FAP: variants seen among roughly 807,000 people sequenced by gnomAD.
FAP encodes prolyl endopeptidase FAP.
Under a neutral mutation model 126.5 loss-of-function variants are expected in FAP, and 110 were observed. The ratio of observed to expected loss-of-function variants is 0.87; its 90% CI spans 0.74 to 1.02. The LOEUF (loss-of-function observed/expected upper bound fraction) is 1.02. Among genes scored for constraint, FAP ranks in the 50% least tolerant of loss-of-function variants. FAP has a pLI of 0.00. For missense variants in FAP, 919 were observed against 909.2 expected, an observed-to-expected ratio of 1.01 and a Z score of -0.14; for synonymous variants, 334 against 297.3, an observed-to-expected ratio of 1.12 and a Z score of -1.27.
intron 25 of FAP, chr2:162,172,560 A>G (rs1360962503): frequency 4.9e-6 from 2 of 404,976 alleles, no homozygotes; most frequent in Non-Finnish European, 9.0e-6. Context: ...TTGAACTAGA[A>G]GATCATTTAA....
chr2:162,208,771 C>CT (rs1039193066), intron 12 of FAP, among the ~76,000 whole-genome samples: 1 of 150,022 alleles, frequency 6.7e-6, no homozygotes, highest in Non-Finnish European at 1.5e-5. Flanking sequence ...TACTACTACT[C>CT]TTTTTTTCCT....
At chr2:162,217,856 C>T (rs1689212881) in intron 9 of FAP, 130 bp downstream of exon 9, 1 of 629,032 alleles carries the variant, frequency 1.6e-6, no homozygotes, top group Non-Finnish European at 2.7e-6. Flanking sequence ...GAGCACAGTA[C>T]AATGTTTGCC....
chr2:162,171,778 T>C (rs1033727574), intron 25 of FAP: 1 of 151,436 alleles, frequency 6.6e-6, no homozygotes, highest in Admixed American at 6.6e-5. Context: ...TTTGTATATT[T>C]TTAAAAATTT....
chr2:162,198,444 G>T, intron 16 of FAP: 2 of 944,566 alleles, frequency 2.1e-6, no homozygotes, highest in Non-Finnish European at 2.9e-6. Context: ...TCTTAGTGCT[G>T]TGGAATGTGG....
intron 20 of FAP, among the ~76,000 whole-genome samples, chr2:162,187,682 G>C (rs1211577907): frequency 6.6e-6 from 1 of 152,002 alleles, no homozygotes. Flanking sequence ...ACGAAAATAG[G>C]CAAACACTTT....
At chr2:162,195,981 G>A (rs1193580393) in intron 16 of FAP, among the ~76,000 whole-genome samples, 1 of 152,082 alleles carries the variant, frequency 6.6e-6, no homozygotes, top group African/African-American at 2.4e-5. Context: ...GAGAAGACTT[G>A]GGTATGAGTA....
rs1687429091 is a variant in FAP, at chr2:162,174,787, T to A, written c.1969+80A>T. On this transcript the variant is annotated intron_variant, in intron 22 of 25. Transcript: ENST00000188790. ...TGCTGGGGTGAATTTTACTGCATAA[T>A]CCATTTTTCTAGCAACATCAGATAT... 1.4e-5 allele frequency: 13 copies of A among 960,156 alleles called. No homozygotes were observed. In the Admixed American group the frequency reaches 2.2e-4, roughly 16 times the overall value. The allele number at this position is 960,156 out of a possible 1,614,324, so 59.5% of individuals were successfully genotyped here.
intron 21 of FAP, among the ~76,000 whole-genome samples, chr2:162,182,241 T>G (rs1445317374): frequency 2.0e-5 from 3 of 152,214 alleles, no homozygotes; most frequent in African/African-American, 7.2e-5. Context: ...TATGGTTATT[T>G]CAAAGCCTGC....
intron 21 of FAP, among the ~76,000 whole-genome samples, chr2:162,179,028 T>C (rs1009958536): frequency 1.3e-5 from 2 of 152,162 alleles, no homozygotes; most frequent in Non-Finnish European, 2.9e-5. Context: ...TCCTAGCCCC[T>C]TGGCCCATCC....
intron 3 of FAP, 126 bp from the exon 4 acceptor site, chr2:162,225,703 T>C (rs1344302142): frequency 2.3e-6 from 2 of 888,072 alleles, no homozygotes; most frequent in Non-Finnish European, 1.6e-6. Context: ...ACATATTGCT[T>C]TGTGATATGT....
chr2:162,230,449 T>C (rs1014248377), intron 2 of FAP, among the ~76,000 whole-genome samples: 2 of 152,158 alleles, frequency 1.3e-5, no homozygotes, highest in Non-Finnish European at 1.5e-5. Context: ...GAAGCAGTGA[T>C]TGATTTTTCT....
intron 6 of FAP, among the ~76,000 whole-genome samples, chr2:162,220,529 A>G (rs911253581): frequency 6.6e-6 from 1 of 152,224 alleles, no homozygotes; most frequent in Non-Finnish European, 1.5e-5. Context: ...CCATTTGACA[A>G]TCTCCCCAGG....
Position 162,172,895 on chromosome 2 carries a change from G to A in FAP, c.2108-11C>T, listed in dbSNP as rs375817278. On this transcript the variant is annotated splice_polypyrimidine_tract_variant and intron_variant, in intron 24 of 25. Coordinates refer to ENST00000188790, the MANE Select transcript of FAP (RefSeq NM_004460.5). ...GAAAGTGCACATTATCTGCAACAAA[G>A]AGAGAGAGAGTTAAAGTGCTGCTAA... The A allele has an allele frequency of 7.8e-5, 122 of 1,560,294 alleles. 2 individuals are homozygous for A. The Middle Eastern group carries it at 1.8e-3, about 24-fold the overall frequency.
intron 12 of FAP, among the ~76,000 whole-genome samples, chr2:162,204,794 G>T (rs1485739528): frequency 1.3e-5 from 2 of 152,176 alleles, no homozygotes; most frequent in Admixed American, 6.5e-5. Context: ...AGTGCCCTAA[G>T]TCTCACCACA....
intron 2 of FAP, among the ~76,000 whole-genome samples, chr2:162,241,850 GA>G (rs1690364716): frequency 6.6e-6 from 1 of 152,164 alleles, no homozygotes. Context: ...GATATCAGCT[GA>G]CTTCATCTTA....
At chr2:162,191,981 G>T (rs564281536) in intron 17 of FAP, among the ~76,000 whole-genome samples, 2 of 152,148 alleles carry the variant, frequency 1.3e-5, no homozygotes, top group African/African-American at 4.8e-5. Flanking sequence ...CCATTTACCT[G>T]TCTCTGATCT....
Position 162,170,706 on chromosome 2 carries a change from A to G in FAP, c.*273T>C. 1 of 342,220 alleles carries G rather than the reference A, an allele frequency of 2.9e-6. No individual in the cohort carries two copies. The highest frequency in any genetic ancestry group is 5.5e-5 in the East Asian group (1 of 18,190). 21.2% of individuals were successfully genotyped at this position (342,220 alleles called of 1,614,324 possible). ...CAATAGCACTTGAACTTCTGACTTT[A>G]TTATTTTTCTTCAAATGAACAGGTG... On this transcript the variant is annotated 3_prime_UTR_variant, in exon 26 of 26. Transcript: ENST00000188790.
intron 17 of FAP, among the ~76,000 whole-genome samples, chr2:162,192,042 A>AT (rs935925447): frequency 8.6e-5 from 13 of 151,716 alleles, no homozygotes; most frequent in South Asian, 2.1e-4. Context: ...TTTTCCTTCC[A>AT]TTTTTTCTGC....
chr2:162,217,407 G>T (rs1207961279), intron 9 of FAP, among the ~76,000 whole-genome samples: 2 of 152,084 alleles, frequency 1.3e-5, no homozygotes, highest in African/African-American at 4.8e-5. Flanking sequence ...TGCACACTCA[G>T]GTCTCCTCCC....
Sources: allele counts gnomAD v4.1 joint callset (sites outside exome capture counted in the v4.1 genomes callset), GRCh38; gene constraint gnomAD v4.1.1; transcripts MANE v1.5; gene names NCBI Gene and HGNC (gene_info 2026-07-23, HGNC 2026-07-21).